PARP11: variants seen among roughly 807,000 people sequenced by gnomAD.
PARP11 encodes the protein protein mono-ADP-ribosyltransferase PARP11.
Under a neutral mutation model 42.9 loss-of-function variants are expected in PARP11, and 31 were observed. The ratio of observed to expected loss-of-function variants is 0.72; its 90% CI spans 0.54 to 0.98. The LOEUF is 0.98. Among genes scored for constraint, PARP11 ranks in the 50% least tolerant of loss-of-function variants. The probability of loss-of-function intolerance (pLI) is 0.00; values close to 1 mark genes in which losing one functional copy is unlikely to be tolerated. For missense variants in PARP11, 365 were observed against 413.1 expected, an observed-to-expected ratio of 0.88 and a Z score of 1.01; for synonymous variants, 137 against 127.3, an observed-to-expected ratio of 1.08 and a Z score of -0.51.
At chr12:3,832,036 A>C in intron 1 of PARP11, 1 of 430,112 alleles carries the variant, frequency 2.3e-6, no homozygotes, top group Non-Finnish European at 3.1e-6. Context: ...TCTCTATTAG[A>C]AAAGAGAATA....
chr12:3,862,450 C>CA (rs950735539), intron 1 of PARP11, among the ~76,000 whole-genome samples: 6 of 151,348 alleles, frequency 4.0e-5, no homozygotes, highest in African/African-American at 1.2e-4. Context: ...GACTCTGTCT[C>CA]AAAAAAATAA....
At chr12:3,813,188 A>G (rs1237448935) in intron 7 of PARP11, among the ~76,000 whole-genome samples, 3 of 152,182 alleles carry the variant, frequency 2.0e-5, no homozygotes, top group Non-Finnish European at 4.4e-5. Context: ...ACATCCAGCA[A>G]AGCTCTAGAG....
At chr12:3,872,956 G>T in intron 1 of PARP11, 1 of 205,370 alleles carries the variant, frequency 4.9e-6, no homozygotes, top group Non-Finnish European at 8.6e-6. Flanking sequence ...ATGGTGAAGG[G>T]ATGAGGCTGA....
At chr12:3,843,530 G>A (rs1347260921) in intron 1 of PARP11, among the ~76,000 whole-genome samples, 1 of 152,160 alleles carries the variant, frequency 6.6e-6, no homozygotes, top group African/African-American at 2.4e-5. Context: ...CTCCTTGTCA[G>A]GGCTGGAACT....
intron 6 of PARP11, among the ~76,000 whole-genome samples, chr12:3,814,601 G>C (rs2138008195): frequency 6.6e-6 from 1 of 152,264 alleles, no homozygotes; most frequent in Middle Eastern, 3.4e-3. Context: ...TTTATCCTCA[G>C]AAACTAGAAA....
intron 1 of PARP11, among the ~76,000 whole-genome samples, chr12:3,831,705 C>T (rs2138049669): frequency 6.6e-6 from 1 of 152,204 alleles, no homozygotes; most frequent in East Asian, 1.9e-4. Context: ...ATTTGGTTGG[C>T]TTCTAAGAAA....
At chr12:3,844,784 G>T (rs1280053614) in intron 1 of PARP11, among the ~76,000 whole-genome samples, 1 of 152,142 alleles carries the variant, frequency 6.6e-6, no homozygotes. Flanking sequence ...CGGAATAAAA[G>T]AACTGACTTT....
chr12:3,841,215 A>C (rs1057401469), intron 1 of PARP11: 1 of 1,501,364 alleles, frequency 6.7e-7, no homozygotes, highest in African/African-American at 1.4e-5. Context: ...CCATTGTACC[A>C]CCTTCTTCAC....
intron 1 of PARP11, among the ~76,000 whole-genome samples, chr12:3,848,922 TAATAATA>T (rs1419900433): frequency 6.7e-6 from 1 of 149,192 alleles, no homozygotes; most frequent in East Asian, 2.0e-4. Context: ...GGATTCATAA[TAATAATA>T]TATAAGGAGC....
intron 1 of PARP11, chr12:3,839,614 G>T (rs769947628): frequency 9.2e-7 from 1 of 1,087,226 alleles, no homozygotes; most frequent in Non-Finnish European, 1.4e-6. Context: ...AGGACAAATG[G>T]AAATAAGTGC....
chr12:3,825,190 T>C (rs893675681), intron 4 of PARP11, among the ~76,000 whole-genome samples: 4 of 152,016 alleles, frequency 2.6e-5, no homozygotes, highest in South Asian at 2.1e-4. Flanking sequence ...TTTTAGAAAA[T>C]AGGAGACATG....
At chr12:3,839,643 G>GA in intron 1 of PARP11, 1 of 1,007,862 alleles carries the variant, frequency 9.9e-7, no homozygotes, top group Non-Finnish European at 1.6e-6. Flanking sequence ...TTATGTACAG[G>GA]AAAGATTTTA....
chr12:3,837,046 G>A (rs1591777146), intron 1 of PARP11, among the ~76,000 whole-genome samples: 1 of 152,138 alleles, frequency 6.6e-6, no homozygotes, highest in African/African-American at 2.4e-5. Context: ...AGAGACAAAG[G>A]AGTCAAGTAG....
At position 3,812,311 on chromosome 12, in the gene PARP11, T is replaced by C; in HGVS notation, c.829A>G (p.Met277Val). The part of the protein sequence containing the change: ...QRHLFRTYKS[M>V]FLARVLIGDY... ...CCAATTAGCACTCGAGCAAGAAACA[T>C]AGATTTATATGTTCTAAACAGATGC... is the stretch of plus-strand genomic sequence containing the variant. Residue 277 changes from methionine to valine, a missense_variant, in exon 8 of 8, where the codon ATG becomes GTG. By Grantham distance (21) the Met-to-Val change is conservative. Coordinates refer to ENST00000228820, the MANE Select transcript of PARP11 (RefSeq NM_020367.6). 2 of 1,614,164 alleles carry C rather than the reference T, an allele frequency of 1.2e-6. No homozygotes were observed. Among genetic ancestry groups the C allele is most frequent in the East Asian group, 2.2e-5 (1 of 44,886 alleles).
chr12:3,814,909 G>A (rs1947255349), intron 6 of PARP11: 1 of 298,456 alleles, frequency 3.4e-6, no homozygotes, highest in Non-Finnish European at 6.9e-6. Context: ...AAAAGAGATA[G>A]AGAACTCAAA....
chr12:3,851,466 C>T (rs570420942), intron 1 of PARP11, among the ~76,000 whole-genome samples: 3 of 152,272 alleles, frequency 2.0e-5, no homozygotes, highest in Admixed American at 6.5e-5. Flanking sequence ...TATCCCGCAC[C>T]TGGCTCAGCG....
chr12:3,827,398 T>A (rs1209810690), intron 3 of PARP11, among the ~76,000 whole-genome samples: 1 of 152,220 alleles, frequency 6.6e-6, no homozygotes, highest in Non-Finnish European at 1.5e-5. Flanking sequence ...TTCAGAAACA[T>A]GTGGCTTGCT....
At chr12:3,848,092 G>A (rs765540843) in intron 1 of PARP11, among the ~76,000 whole-genome samples, 4 of 151,806 alleles carry the variant, frequency 2.6e-5, no homozygotes, top group African/African-American at 2.4e-5. Context: ...AAATACATAC[G>A]AGTCAATTTA....
rs952147519 is a variant in PARP11 at position 3,840,865 on chromosome 12, G to A, written c.19-10847C>T. Reference sequence around the variant, plus strand: ...TTCTCCTGCAGAACAAAAGCCAGCAGAACATGTGTCTTTGTCAAATCCAGC... The same window carrying A: ...TTCTCCTGCAGAACAAAAGCCAGCAAAACATGTGTCTTTGTCAAATCCAGC... On this transcript the variant is annotated intron_variant, in intron 1 of 7. Transcript: ENST00000228820. This position sits in a 1 kb window ranked among gnomAD's most constrained non-coding sequence, Gnocchi z 4.4. 1.9e-5 allele frequency: 30 copies of A among 1,600,042 alleles called. No homozygotes were observed. In the African/African-American group the frequency reaches 3.8e-4, roughly 20 times the overall value.
Sources: allele counts gnomAD v4.1 joint callset (sites outside exome capture counted in the v4.1 genomes callset), GRCh38; gene constraint gnomAD v4.1.1; non-coding constraint Gnocchi (gnomAD v3.1); transcripts MANE v1.5; gene names NCBI Gene and HGNC (gene_info 2026-07-23, HGNC 2026-07-21).